Variants in ATP8B1 observed in about 807,000 individuals in gnomAD.
ATP8B1 encodes the protein phospholipid-transporting ATPase IC.
Under a neutral mutation model 149.9 loss-of-function variants are expected in ATP8B1, and 80 were observed. That is an observed-to-expected ratio of 0.53 (90% CI 0.45 to 0.64). ATP8B1 has a LOEUF of 0.64. ATP8B1 is among the 30% of genes least tolerant of loss of function. The probability of loss-of-function intolerance (pLI) is 0.00; values close to 1 mark genes in which losing one functional copy is unlikely to be tolerated. For synonymous variants in ATP8B1, 536 were observed against 562.8 expected (o/e 0.95, Z 0.67); for missense variants, 1,247 against 1,552.6 (o/e 0.80, Z 3.31).
At chr18:57,759,825 GAAAA>G (rs113979064) in intron 1 of ATP8B1, among the ~76,000 whole-genome samples, 1 of 128,420 alleles carries the variant, frequency 7.8e-6, no homozygotes, top group Non-Finnish European at 1.6e-5. Context: ...TCTCGGGAAA[GAAAA>G]AAAAAAAAAA....
intron 1 of ATP8B1, among the ~76,000 whole-genome samples, chr18:57,760,678 T>C (rs1325378739): frequency 6.6e-6 from 1 of 152,206 alleles, no homozygotes; most frequent in African/African-American, 2.4e-5. Flanking sequence ...ATAAGGAAGA[T>C]ACTTTTTATT....
intron 1 of ATP8B1, among the ~76,000 whole-genome samples, chr18:57,756,250 CACAT>C (rs2080079662): frequency 9.0e-6 from 1 of 110,646 alleles, no homozygotes; most frequent in Non-Finnish European, 1.9e-5. Flanking sequence ...TATACACACA[CACAT>C]ATATATATAT....
intron 1 of ATP8B1, among the ~76,000 whole-genome samples, chr18:57,775,924 G>A (rs564090576): frequency 7.2e-5 from 11 of 152,242 alleles, no homozygotes; most frequent in South Asian, 4.1e-4. Context: ...GATTACAGGC[G>A]TGAGCTGCTG....
In ATP8B1 at chr18:57,675,236, A is replaced by C. The variant is rs146401286; in HGVS notation, c.1631-214T>G. On this transcript the variant is annotated intron_variant, in intron 15 of 27. Coordinates refer to ENST00000648908, the MANE Select transcript of ATP8B1 (RefSeq NM_001374385.1). ...TAAACAGTAATATAAACTAAAAAAG[A>C]AACATTGGTGGAGAATGAGGGAAAA... is the stretch of plus-strand genomic sequence containing the variant. Among the ~76,000 whole-genome samples the C allele has an allele frequency of 1.5e-4, 23 of 152,372 alleles. No homozygotes were observed. In the East Asian group the frequency reaches 4.4e-3, roughly 29 times the overall value.
chr18:57,755,596 T>G (rs2080069376), intron 1 of ATP8B1: 1 of 152,352 alleles, frequency 6.6e-6, no homozygotes, highest in Non-Finnish European at 1.5e-5. Flanking sequence ...ATTATTTGTG[T>G]GTTTACTGAC....
At chr18:57,750,898 C>T (rs761254795) in intron 1 of ATP8B1, among the ~76,000 whole-genome samples, 2 of 152,118 alleles carry the variant, frequency 1.3e-5, no homozygotes, top group Non-Finnish European at 2.9e-5. Flanking sequence ...GCGGGTGGAT[C>T]GCTTGAGACC....
At chr18:57,729,127 C>T (rs908459313) in intron 2 of ATP8B1, among the ~76,000 whole-genome samples, 1 of 152,092 alleles carries the variant, frequency 6.6e-6, no homozygotes, top group Admixed American at 6.6e-5. Flanking sequence ...AATGGGCAGG[C>T]AGAGTTGTAA....
At chr18:57,776,939 G>A (rs1226378686) in intron 1 of ATP8B1, among the ~76,000 whole-genome samples, 2 of 150,688 alleles carry the variant, frequency 1.3e-5, no homozygotes, top group East Asian at 3.9e-4. Flanking sequence ...CAGGCCGATC[G>A]TTATGCAATC....
chr18:57,693,332 G>T (rs923395028), intron 11 of ATP8B1, among the ~76,000 whole-genome samples: 2 of 152,166 alleles, frequency 1.3e-5, no homozygotes, highest in Non-Finnish European at 2.9e-5. Flanking sequence ...TCCGAAGGCC[G>T]GCTTGCAAGG....
chr18:57,694,745 C>A, intron 10 of ATP8B1, 75 bp from the exon 11 acceptor site: 1 of 1,037,162 alleles, frequency 9.6e-7, no homozygotes, highest in Non-Finnish European at 1.5e-6. Context: ...AATTACTCTT[C>A]TTGGCCAGGC....
chr18:57,749,230 T>C (rs1355591472), intron 1 of ATP8B1, among the ~76,000 whole-genome samples: 2 of 152,254 alleles, frequency 1.3e-5, no homozygotes, highest in East Asian at 3.8e-4. Context: ...TTGGGTTTGA[T>C]TGAGCAATGC....
In ATP8B1 at chr18:57,669,362, C is replaced by T. The variant is rs558637349; in HGVS notation, c.2053G>A (p.Glu685Lys). Residue 685 changes from glutamate (E) to lysine (K), a missense_variant, in exon 18 of 28, where the codon GAA becomes AAA. Glu to Lys is a moderately conservative substitution (Grantham distance 56, BLOSUM62 1). Coordinates refer to ENST00000648908, the MANE Select transcript of ATP8B1 (RefSeq NM_001374385.1). The part of the protein sequence containing the change: ...AASVASTNRD[E>K]ALDKVYEEIE... Reference sequence around the variant, plus strand: ...TCCTCATATACTTTATCCAGAGCTTCGTCCCGGTTGGTGGAGGCCACACTG... The same window carrying T: ...TCCTCATATACTTTATCCAGAGCTTTGTCCCGGTTGGTGGAGGCCACACTG... 5 of 1,613,624 alleles carry T rather than the reference C, an allele frequency of 3.1e-6. No homozygotes were observed. Among genetic ancestry groups the T allele is most frequent in the Middle Eastern group, 1.6e-4 (1 of 6,062 alleles).
At chr18:57,720,064 A>G (rs1190916891) in intron 2 of ATP8B1, among the ~76,000 whole-genome samples, 51 of 152,016 alleles carry the variant, frequency 3.4e-4, no homozygotes, top group African/African-American at 1.2e-3. Flanking sequence ...ACTAACAAAC[A>G]GAAAGGACAT....
At chr18:57,656,511 G>A (rs139964461) in intron 22 of ATP8B1, among the ~76,000 whole-genome samples, 5,242 of 151,052 alleles carry the variant, frequency 0.035, 111 homozygotes, top group Middle Eastern at 0.086. Flanking sequence ...TCAGCCTCTC[G>A]AGTAGCTGGG....
At chr18:57,661,855 C>T (rs1305759514) in intron 21 of ATP8B1, among the ~76,000 whole-genome samples, 1 of 151,548 alleles carries the variant, frequency 6.6e-6, no homozygotes, top group Non-Finnish European at 1.5e-5. Flanking sequence ...GCCGGGACTA[C>T]AGGTGTGCAC....
chr18:57,713,192 T>TTCCTTCC (rs1913787762), intron 2 of ATP8B1, among the ~76,000 whole-genome samples: 1 of 94,046 alleles, frequency 1.1e-5, no homozygotes, highest in Non-Finnish European at 2.2e-5. Context: ...TCTTTCTTTC[T>TTCCTTCC]TTCTTTCCTT....
chr18:57,668,574 A>C, intron 18 of ATP8B1, 34 bp from the exon 19 acceptor site: 2 of 1,339,788 alleles, frequency 1.5e-6, no homozygotes, highest in Non-Finnish European at 2.1e-6. Context: ...AAAAAAAGGA[A>C]TTAGCAAACA....
At chr18:57,659,289 C>T (rs1189992629) in intron 22 of ATP8B1, among the ~76,000 whole-genome samples, 2 of 151,738 alleles carry the variant, frequency 1.3e-5, no homozygotes, top group Admixed American at 6.6e-5. Context: ...TTTAAATGCA[C>T]CTGGCATATA....
chr18:57,739,493 A>T (rs1019728519), intron 1 of ATP8B1, among the ~76,000 whole-genome samples: 6 of 152,206 alleles, frequency 3.9e-5, no homozygotes, highest in Non-Finnish European at 8.8e-5. Flanking sequence ...CATAAACTCT[A>T]CAAGAACAGA....
Sources: allele counts gnomAD v4.1 joint callset (sites outside exome capture counted in the v4.1 genomes callset), GRCh38; gene constraint gnomAD v4.1.1; transcripts MANE v1.5; gene names NCBI Gene and HGNC (gene_info 2026-07-23, HGNC 2026-07-21).